Variants in MEI4 observed in about 807,000 individuals in gnomAD.
MEI4 encodes the protein meiotic double-stranded break formation protein 4, also known as meiosis-specific protein MEI4.
Under a neutral mutation model 31.4 loss-of-function variants are expected in MEI4, and 27 were observed. That is an observed-to-expected ratio of 0.86 (90% CI 0.63 to 1.19). MEI4 has a LOEUF of 1.19. Ranked by LOEUF, MEI4 falls within the 50% of genes most tolerant of loss-of-function variation. The pLI, the probability that MEI4 is intolerant of heterozygous loss-of-function variation, is 0.00. For missense variants in MEI4, 329 were observed against 398.9 expected, an observed-to-expected ratio of 0.82 and a Z score of 1.49; for synonymous variants, 122 against 145.4, an observed-to-expected ratio of 0.84 and a Z score of 1.16.
chr6:77,663,627 G>A (rs1209330018), intron 1 of MEI4, among the ~76,000 whole-genome samples: 1 of 152,148 alleles, frequency 6.6e-6, no homozygotes, highest in East Asian at 1.9e-4. Context: ...AAGTTTAGAA[G>A]CCTGGCTGTC....
intron 2 of MEI4, among the ~76,000 whole-genome samples, chr6:77,744,228 T>G (rs1389809298): frequency 1.3e-5 from 2 of 151,816 alleles, no homozygotes; most frequent in Admixed American, 6.6e-5. Flanking sequence ...TGAAAAAAAT[T>G]TAGACGAATG....
chr6:77,694,583 G>A (rs1406114339), intron 2 of MEI4, among the ~76,000 whole-genome samples: 1 of 152,004 alleles, frequency 6.6e-6, no homozygotes, highest in Admixed American at 6.6e-5. Context: ...CCCTACAAAG[G>A]ACATGAACTC....
intron 4 of MEI4, among the ~76,000 whole-genome samples, chr6:77,895,136 C>G (rs1355264380): frequency 6.6e-6 from 1 of 152,120 alleles, no homozygotes. Context: ...TTCCTCATGT[C>G]TATACGTATC....
rs540313518 is a variant in MEI4 at position 77,813,072 on chromosome 6, T to A, written c.769-15859T>A. Among the ~76,000 whole-genome samples the A allele has an allele frequency of 7.2e-5, 11 of 152,198 alleles. No homozygotes were observed. In the South Asian group the frequency reaches 2.3e-3, roughly 31 times the overall value. On this transcript the variant is annotated intron_variant, in intron 3 of 4. Coordinates refer to ENST00000684080, the MANE Select transcript of MEI4 (RefSeq NM_001322247.2). ...AGTCTTGATGAGTAGGTTATTTTGG[T>A]TGGATAAAAATCTTATCTTCCATGA... is the stretch of plus-strand genomic sequence containing the variant.
At position 77,916,297 on chromosome 6, in the gene MEI4, G is replaced by A. The variant is rs913784569; in HGVS notation, c.901-6792G>A. Among the ~76,000 whole-genome samples, 14 of 152,028 alleles carry A rather than the reference G, an allele frequency of 9.2e-5. 1 individual carries two copies. The South Asian group carries it at 1.0e-3, about 11-fold the overall frequency. On this transcript the variant is annotated intron_variant, in intron 4 of 4. Transcript: ENST00000684080. ...TAAATTGTTGCTGGAGAATTACTGTGTTTAGTGGCAAAATCTTTCCTTTTA... is the reference window on the plus strand; with the variant it reads ...TAAATTGTTGCTGGAGAATTACTGTATTTAGTGGCAAAATCTTTCCTTTTA...
At chr6:77,734,407 C>A (rs924300926) in intron 2 of MEI4, among the ~76,000 whole-genome samples, 1 of 151,946 alleles carries the variant, frequency 6.6e-6, no homozygotes, top group Non-Finnish European at 1.5e-5. Flanking sequence ...TTCTTTGTGT[C>A]TTTTGATCTT....
In MEI4 at chr6:77,820,466, G is replaced by A. The variant is rs1393118835; in HGVS notation, c.769-8465G>A. ...ATTTTAGTAGAGACAGGGTTTCACC[G>A]TGTTGCCCAGGCTGGTCTGGAACCC... On this transcript the variant is annotated intron_variant, in intron 3 of 4. Transcript: ENST00000684080. This position sits in a 1 kb window ranked among gnomAD's most constrained non-coding sequence, Gnocchi z 4.5. Among the ~76,000 whole-genome samples the A allele has an allele frequency of 6.6e-6, 1 of 151,870 alleles. No individual in the cohort carries two copies. The highest frequency in any genetic ancestry group is 1.5e-5 in the Non-Finnish European group (1 of 67,954).
intron 4 of MEI4, among the ~76,000 whole-genome samples, chr6:77,909,434 A>G (rs888798505): frequency 1.3e-5 from 2 of 152,218 alleles, no homozygotes; most frequent in Non-Finnish European, 2.9e-5. Flanking sequence ...AAACACCTCT[A>G]TGCAAATAAA....
rs1399143559 is a variant in MEI4 at position 77,820,890 on chromosome 6, C to G, written c.769-8041C>G. ...TATTTTTTCCCATGTCGTTTCTTCTCCAGTAGTCTCTCTTAGTTTTTTTCT... is the reference window on the plus strand; with the variant it reads ...TATTTTTTCCCATGTCGTTTCTTCTGCAGTAGTCTCTCTTAGTTTTTTTCT... On this transcript the variant is annotated intron_variant, in intron 3 of 4. Transcript: ENST00000684080. The surrounding 1 kb of genome is among the most constrained non-coding windows in gnomAD (Gnocchi z 4.5). Among the ~76,000 whole-genome samples, 1 of 151,882 alleles carries G rather than the reference C, an allele frequency of 6.6e-6. No homozygotes were observed. The highest frequency in any genetic ancestry group is 1.5e-5 in the Non-Finnish European group (1 of 67,968).
At chr6:77,865,735 C>G (rs1188921853) in intron 4 of MEI4, among the ~76,000 whole-genome samples, 2 of 152,218 alleles carry the variant, frequency 1.3e-5, no homozygotes, top group Non-Finnish European at 1.5e-5. Flanking sequence ...TTTATGAGGC[C>G]AGCATCATCC....
chr6:77,915,933 A>T (rs553027370), intron 4 of MEI4, among the ~76,000 whole-genome samples: 1 of 152,094 alleles, frequency 6.6e-6, no homozygotes, highest in East Asian at 1.9e-4. Context: ...CCAATGTCAC[A>T]TATTCTTTAT....
intron 2 of MEI4, among the ~76,000 whole-genome samples, chr6:77,757,122 C>T (rs774768282): frequency 1.2e-4 from 19 of 152,186 alleles, no homozygotes; most frequent in Non-Finnish European, 2.6e-4. Flanking sequence ...AGCTGAGCTT[C>T]GTTTCCTAAT....
chr6:77,847,184 A>C lies in MEI4; in HGVS notation c.900+18122A>C. On this transcript the variant is annotated intron_variant, in intron 4 of 4. Transcript: ENST00000684080. This position sits in a 1 kb window ranked among gnomAD's most constrained non-coding sequence, Gnocchi z 4.6. ...TGGTACTTTCTCTCAATGTTCTGAAATGGTGTGTATGGAGCCAGTATATAC... is the reference window on the plus strand; with the variant it reads ...TGGTACTTTCTCTCAATGTTCTGAACTGGTGTGTATGGAGCCAGTATATAC... Among the ~76,000 whole-genome samples the C allele has an allele frequency of 6.6e-6, 1 of 152,150 alleles. No homozygotes were observed. Among genetic ancestry groups the C allele is most frequent in the Non-Finnish European group, 1.5e-5 (1 of 68,022 alleles).
At chr6:77,792,091 G>T (rs1374203719) in intron 3 of MEI4, among the ~76,000 whole-genome samples, 1 of 152,004 alleles carries the variant, frequency 6.6e-6, no homozygotes. Flanking sequence ...ATGTCCTCCA[G>T]GTTCATCCAT....
intron 1 of MEI4, among the ~76,000 whole-genome samples, 178 bp from the exon 2 acceptor site, chr6:77,690,480 C>T (rs1266059449): frequency 6.6e-6 from 1 of 151,868 alleles, no homozygotes; most frequent in East Asian, 1.9e-4. Flanking sequence ...GTGTATTTTT[C>T]TTCTGCATAA....
chr6:77,781,561 C>T (rs1158105968), intron 3 of MEI4, among the ~76,000 whole-genome samples: 1 of 152,134 alleles, frequency 6.6e-6, no homozygotes, highest in Non-Finnish European at 1.5e-5. Context: ...TTCACATAAA[C>T]ATTAAATTTT....
At chr6:77,752,304 A>C (rs1767794935) in intron 2 of MEI4, among the ~76,000 whole-genome samples, 1 of 152,212 alleles carries the variant, frequency 6.6e-6, no homozygotes, top group African/African-American at 2.4e-5. Flanking sequence ...AAGGGTATTT[A>C]CTTAGGAAAA....
intron 3 of MEI4, among the ~76,000 whole-genome samples, chr6:77,797,878 C>T (rs1769123142): frequency 6.6e-6 from 1 of 152,086 alleles, no homozygotes; most frequent in Non-Finnish European, 1.5e-5. Context: ...CACCCAGAAA[C>T]AAAACTTTAC....
At chr6:77,906,721 G>A (rs145617785) in intron 4 of MEI4, among the ~76,000 whole-genome samples, 129 of 152,244 alleles carry the variant, frequency 8.5e-4, no homozygotes, top group African/African-American at 3.0e-3. Flanking sequence ...TACTGACTCT[G>A]GAGTCTGGGG....
Sources: allele counts gnomAD v4.1 joint callset (sites outside exome capture counted in the v4.1 genomes callset), GRCh38; gene constraint gnomAD v4.1.1; non-coding constraint Gnocchi (gnomAD v3.1); transcripts MANE v1.5; gene names NCBI Gene and HGNC (gene_info 2026-07-23, HGNC 2026-07-21).